Variants in SEMA4C observed in about 807,000 individuals in gnomAD.
SEMA4C encodes the protein semaphorin-4C.
A neutral mutation model predicts 89.0 loss-of-function variants in SEMA4C; 19 were observed. The observed-to-expected ratio is 0.21, with a 90% CI of 0.15 to 0.31. The LOEUF (loss-of-function observed/expected upper bound fraction) is 0.31. Ranked by LOEUF, SEMA4C falls within the 10% of genes least tolerant of loss-of-function variation. The probability of loss-of-function intolerance (pLI) is 1.00; values close to 1 mark genes in which losing one functional copy is unlikely to be tolerated. For synonymous variants in SEMA4C, 428 were observed against 472.7 expected, an observed-to-expected ratio of 0.91 and a Z score of 1.23; for missense variants, 811 against 1,107.0, an observed-to-expected ratio of 0.73 and a Z score of 3.79.
chr2:96,866,468 C>G, intron 2 of SEMA4C, 37 bp from the exon 3 acceptor site: 1 of 1,613,524 alleles, frequency 6.2e-7, no homozygotes, highest in Non-Finnish European at 8.5e-7. Context: ...GGGCAGGACC[C>G]CTGGGGCTCG....
intron 1 of SEMA4C, chr2:96,869,075 G>T: frequency 1.0e-6 from 1 of 985,378 alleles, no homozygotes; most frequent in Non-Finnish European, 1.2e-6. Context: ...GGAGCGTGGC[G>T]AGCCCGGCCT....
intron 3 of SEMA4C, 148 bp downstream of exon 3, chr2:96,866,135 A>G: frequency 3.3e-6 from 4 of 1,210,604 alleles, no homozygotes; most frequent in East Asian, 4.7e-5. Flanking sequence ...GGAATGCCGC[A>G]TGCTGACCCC....
chr2:96,863,283 G>C (rs1422881290), intron 12 of SEMA4C: 1 of 1,020,396 alleles, frequency 9.8e-7, no homozygotes, highest in South Asian at 4.0e-5. Context: ...GGAAATGGGG[G>C]CTGGAAGGAA....
chr2:96,864,482 G>C lies in SEMA4C; in HGVS notation c.963-100C>G, dbSNP rs1335843699. On this transcript the variant is annotated intron_variant, in intron 9 of 14. Coordinates refer to ENST00000305476, the MANE Select transcript of SEMA4C (RefSeq NM_017789.5). This position sits in a 1 kb window ranked among gnomAD's most constrained non-coding sequence, Gnocchi z 6.3. Reference sequence around the variant, plus strand: ...GGAAGGCAGGGCCTGGCACAAACTGGCCATGGGTACCAGAATGCCCTGGCA... The same window carrying C: ...GGAAGGCAGGGCCTGGCACAAACTGCCCATGGGTACCAGAATGCCCTGGCA... The C allele has an allele frequency of 4.6e-6, 7 of 1,536,424 alleles. No homozygotes were observed. Among genetic ancestry groups the C allele is most frequent in the Non-Finnish European group, 5.3e-6 (6 of 1,134,386 alleles).
Position 96,865,188 on chromosome 2 carries a change from C to G in SEMA4C, c.634+16G>C. The G allele has an allele frequency of 6.2e-7, 1 of 1,611,266 alleles. No individual in the cohort carries two copies. Among genetic ancestry groups the G allele is most frequent in the Non-Finnish European group, 8.5e-7 (1 of 1,178,546 alleles). ...ACCTCCCACCCATGGCTCCCACAGGCCCCCCGGTGGCTCACCGTTGAGCCA... is the reference window on the plus strand; with the variant it reads ...ACCTCCCACCCATGGCTCCCACAGGGCCCCCGGTGGCTCACCGTTGAGCCA... On this transcript the variant is annotated intron_variant, in intron 7 of 14. Coordinates refer to ENST00000305476, the MANE Select transcript of SEMA4C (RefSeq NM_017789.5).
upstream of SEMA4C, chr2:96,870,812 C>G (rs1468902203): frequency 5.3e-6 from 5 of 948,854 alleles, no homozygotes; most frequent in East Asian, 3.5e-4. Context: ...CCGCCACCTT[C>G]AGAACCACCA....
upstream of SEMA4C, chr2:96,870,210 G>A (rs1428096803): frequency 2.0e-6 from 2 of 985,090 alleles, no homozygotes; most frequent in Non-Finnish European, 2.4e-6. Context: ...GGACCCGCCC[G>A]CTCTCCGCCC....
chr2:96,870,220 C>G (rs914599320), upstream of SEMA4C: 6 of 985,150 alleles, frequency 6.1e-6, no homozygotes, highest in African/African-American at 1.7e-5. Context: ...GCTCTCCGCC[C>G]GGGGGCTCGG....
intron 1 of SEMA4C, 47 bp from the exon 2 acceptor site, chr2:96,867,970 A>C: frequency 6.2e-7 from 1 of 1,603,196 alleles, no homozygotes; most frequent in Non-Finnish European, 8.5e-7. Flanking sequence ...AGAGAAAGCA[A>C]ACCAGAGGGG....
intron 1 of SEMA4C, among the ~76,000 whole-genome samples, chr2:96,868,190 T>G (rs2080124867): frequency 6.6e-6 from 1 of 152,162 alleles, no homozygotes; most frequent in Non-Finnish European, 1.5e-5. Flanking sequence ...GACCCACCAC[T>G]ACCTCTGCGC....
chr2:96,860,325 A>AAT lies in SEMA4C; in HGVS notation c.*299_*300dup. The AAT allele has an allele frequency of 2.2e-6, 1 of 452,136 alleles. No homozygotes were observed. The allele number at this position is 452,136 out of a possible 1,614,324, so 28.0% of individuals were successfully genotyped here. A position where few individuals can be genotyped will look rare whatever the true frequency, so the allele number is the denominator to read the frequency against. Reference sequence around the variant, plus strand: ...ACACACACACACAAACACATGTGCAAATACAGACAAACACACATCTTGAAA... The same window carrying AAT: ...ACACACACACACAAACACATGTGCAAATATACAGACAAACACACATCTTGAAA... On this transcript the variant is annotated 3_prime_UTR_variant, in exon 15 of 15. Coordinates refer to ENST00000305476, the MANE Select transcript of SEMA4C (RefSeq NM_017789.5).
Position 96,864,246 on chromosome 2 carries a change from G to A in SEMA4C, c.1099C>T (p.Pro367Ser). Residue 367 changes from proline (P) to serine (S), a missense_variant, in exon 10 of 15, where the codon CCT becomes TCT. Coordinates refer to ENST00000305476, the MANE Select transcript of SEMA4C (RefSeq NM_017789.5). This position sits in a 1 kb window ranked among gnomAD's most constrained non-coding sequence, Gnocchi z 6.3. Reference sequence around the variant, plus strand: ...CCTGCCCTAGCACTCACCGAGCCAGGCCGAGGGCTGGGTACAGGGTCAGTG... The same window carrying A: ...CCTGCCCTAGCACTCACCGAGCCAGACCGAGGGCTGGGTACAGGGTCAGTG... ...RYTDPVPSPR[P>S]GSCINNWHRR... The A allele has an allele frequency of 1.2e-6, 2 of 1,613,966 alleles. No individual in the cohort carries two copies. The highest frequency in any genetic ancestry group is 1.7e-6 in the Non-Finnish European group (2 of 1,180,016).
At chr2:96,868,574 T>C in intron 1 of SEMA4C, 2 of 985,776 alleles carry the variant, frequency 2.0e-6, no homozygotes, top group Non-Finnish European at 2.4e-6. Flanking sequence ...GAGGCCCCTT[T>C]GTTGCCCAAG....
Position 96,860,540 on chromosome 2 carries a change from G to A in SEMA4C, c.*86C>T, listed in dbSNP as rs547765024. ...TCTGTCCCAGACAGAGCAGGTGCCCGTGCCATGTCCCTGAGGTAGCTGGTG... is the reference window on the plus strand; with the variant it reads ...TCTGTCCCAGACAGAGCAGGTGCCCATGCCATGTCCCTGAGGTAGCTGGTG... On this transcript the variant is annotated 3_prime_UTR_variant, in exon 15 of 15. Coordinates refer to ENST00000305476, the MANE Select transcript of SEMA4C (RefSeq NM_017789.5). 316 of 1,231,232 alleles carry A rather than the reference G, an allele frequency of 2.6e-4. 1 individual carries two copies. Among genetic ancestry groups the A allele is most frequent in the Middle Eastern group, 9.1e-4 (4 of 4,396 alleles). 76.3% of individuals were successfully genotyped at this position (1,231,232 alleles called of 1,614,324 possible).
intron 1 of SEMA4C, chr2:96,869,587 C>G: frequency 1.0e-6 from 1 of 985,274 alleles, no homozygotes. Context: ...AGGAGCCTGG[C>G]GAGGATCCCG....
chr2:96,868,705 G>A, intron 1 of SEMA4C: 1 of 985,388 alleles, frequency 1.0e-6, no homozygotes. Flanking sequence ...ACCGAGCTCG[G>A]GTCGAGTCGG....
rs763972081 is a variant in SEMA4C at position 96,860,596 on chromosome 2, C to A, written c.*30G>T. On this transcript the variant is annotated 3_prime_UTR_variant, in exon 15 of 15. Transcript: ENST00000305476. ...GCAAAAGTAGGAGCTACACCTCCCA[C>A]GCTTCCCGCCGACGCGGTGGGGGTT... 11 of 1,559,650 alleles carry A rather than the reference C, an allele frequency of 7.1e-6. No homozygotes were observed. The highest frequency in any genetic ancestry group is 1.8e-5 in the Admixed American group (1 of 54,134).
In SEMA4C at chr2:96,860,037, A is replaced by G. The variant is rs1304496488; in HGVS notation, c.*589T>C. The G allele has an allele frequency of 1.5e-5, 1 of 67,750 alleles. No individual in the cohort carries two copies. Among genetic ancestry groups the G allele is most frequent in the Admixed American group, 2.1e-4 (1 of 4,696 alleles). 4.2% of individuals were successfully genotyped at this position (67,750 alleles called of 1,614,324 possible). On this transcript the variant is annotated 3_prime_UTR_variant, in exon 15 of 15. Coordinates refer to ENST00000305476, the MANE Select transcript of SEMA4C (RefSeq NM_017789.5). ...GCTCCATCTCCCTCCCCCCACCCTG[A>G]AAACATTCACAGCCCTAGGAGCAGG...
In SEMA4C at chr2:96,865,331, C is replaced by G. The variant is rs1450303892; in HGVS notation, c.518-11G>C. On this transcript the variant is annotated splice_polypyrimidine_tract_variant and intron_variant, in intron 6 of 14. Transcript: ENST00000305476. ...AGTACAGCTCACCATCTATGGGAGA[C>G]AGAGGTCAGCTAGGCCACACATGAG... is the stretch of plus-strand genomic sequence containing the variant. 2.5e-6 allele frequency: 4 copies of G among 1,613,852 alleles called. No homozygotes were observed. The African/African-American group carries it at 5.3e-5, about 22-fold the overall frequency.
Sources: allele counts gnomAD v4.1 joint callset (sites outside exome capture counted in the v4.1 genomes callset), GRCh38; gene constraint gnomAD v4.1.1; non-coding constraint Gnocchi (gnomAD v3.1); transcripts MANE v1.5; gene names NCBI Gene and HGNC (gene_info 2026-07-23, HGNC 2026-07-21).